The following IQSEC3 variants were observed in gnomAD, a reference collection of about 807,000 sequenced individuals.
The protein encoded by IQSEC3 is IQ motif and Sec7 domain ArfGEF 3.
Under a neutral mutation model 105.4 loss-of-function variants are expected in IQSEC3, and 50 were observed. The observed-to-expected ratio is 0.47, with a 90% CI of 0.38 to 0.60. The LOEUF is 0.60. IQSEC3 is among the 20% of genes least tolerant of loss of function. IQSEC3 has a pLI of 0.00. For missense variants in IQSEC3, 1,415 were observed against 1,630.0 expected, an observed-to-expected ratio of 0.87 and a Z score of 2.27; for synonymous variants, 708 against 746.0, an observed-to-expected ratio of 0.95 and a Z score of 0.83.
chr12:99,331 T>C (rs1194952933), intron 2 of IQSEC3, 117 bp downstream of exon 2: 9 of 939,736 alleles, frequency 9.6e-6, no homozygotes, highest in East Asian at 8.0e-5. Context: ...TGTGGGGTAA[T>C]TTGTTTGCTT....
intron 2 of IQSEC3, among the ~76,000 whole-genome samples, chr12:100,133 T>C (rs1262243310): frequency 6.6e-6 from 1 of 152,214 alleles, no homozygotes; most frequent in Non-Finnish European, 1.5e-5. Context: ...GCCCTGGGCC[T>C]CAGTTTCCTC....
chr12:127,670 C>G (rs1254455759), intron 3 of IQSEC3, among the ~76,000 whole-genome samples: 2 of 152,136 alleles, frequency 1.3e-5, no homozygotes, highest in Non-Finnish European at 2.9e-5. Flanking sequence ...AGGCCCTTCG[C>G]CCACTTTTTG....
intron 2 of IQSEC3, among the ~76,000 whole-genome samples, chr12:113,468 C>T (rs73601066): frequency 0.017 from 2,561 of 152,348 alleles, 78 homozygotes; most frequent in African/African-American, 0.058. Context: ...AAACCTGCTT[C>T]TTCCTTGTTC....
intron 1 of IQSEC3, among the ~76,000 whole-genome samples, chr12:91,976 C>T (rs905386872): frequency 2.7e-4 from 41 of 152,132 alleles, no homozygotes; most frequent in Admixed American, 2.6e-3. Flanking sequence ...GGTCCAGTCT[C>T]ATTCTGAGTG....
chr12:161,668 G>A (rs1271177472), intron 7 of IQSEC3, among the ~76,000 whole-genome samples: 5 of 152,180 alleles, frequency 3.3e-5, no homozygotes, highest in African/African-American at 4.8e-5. Context: ...GGAGGTGGGC[G>A]TGAAGACTCT....
At chr12:83,209 G>C (rs1433068594) in intron 1 of IQSEC3, among the ~76,000 whole-genome samples, 1 of 152,168 alleles carries the variant, frequency 6.6e-6, no homozygotes, top group Non-Finnish European at 1.5e-5. Context: ...ATTCTGTTTA[G>C]GTTCCTCAAG....
chr12:81,290 T>C (rs1863738485), intron 1 of IQSEC3, among the ~76,000 whole-genome samples: 1 of 152,182 alleles, frequency 6.6e-6, no homozygotes, highest in South Asian at 2.1e-4. Flanking sequence ...AGTGTTTGGC[T>C]TTTACCTTCA....
chr12:168,914 T>A (rs1938818076), intron 11 of IQSEC3, 99 bp from the exon 12 acceptor site: 7 of 994,582 alleles, frequency 7.0e-6, no homozygotes, highest in Non-Finnish European at 1.1e-5. Flanking sequence ...GGACCTCTCC[T>A]CCTCTTCCTC....
rs1555088330 is a variant in IQSEC3 at position 139,241 on chromosome 12, C to G, written c.1878C>G (p.Ile626Met). The G allele has an allele frequency of 6.2e-7, 1 of 1,608,092 alleles. No individual in the cohort carries two copies. ...CCAAGGACGCCCTGCAGGCCATGAT[C>G]CTGAGCCTGCCGCGCTACCACTGCG... The part of the protein sequence containing the change: ...SASKDALQAM[I>M]LSLPRYHCEN... Residue 626 changes from isoleucine to methionine, a missense_variant, in exon 4 of 14, where the codon ATC (isoleucine) becomes ATG (methionine). Coordinates refer to ENST00000538872, the MANE Select transcript of IQSEC3 (RefSeq NM_001170738.2).
In IQSEC3 at chr12:175,170, C is replaced by A. The variant is rs1939201608; in HGVS notation, c.*137C>A. The stretch of plus-strand genomic sequence containing the variant: ...ATCATTTTGGGAAGAGAATCCCAAT[C>A]CCTGGCACCTGGGTTTGCCTCATCC... On this transcript the variant is annotated 3_prime_UTR_variant, in exon 14 of 14. Transcript: ENST00000538872. 1 of 717,090 alleles carries A rather than the reference C, an allele frequency of 1.4e-6. No homozygotes were observed. Among genetic ancestry groups the A allele is most frequent in the Non-Finnish European group, 2.2e-6 (1 of 453,426 alleles). The allele number at this position is 717,090 out of a possible 1,614,324, so 44.4% of individuals were successfully genotyped here.
intron 3 of IQSEC3, among the ~76,000 whole-genome samples, chr12:131,389 CT>C (rs1555085082): frequency 6.6e-6 from 1 of 152,194 alleles, no homozygotes; most frequent in Non-Finnish European, 1.5e-5. Context: ...TCTCTGCTCT[CT>C]GACCTGGCCC....
At chr12:73,045 A>C (rs1863383042) in intron 1 of IQSEC3, among the ~76,000 whole-genome samples, 1 of 113,130 alleles carries the variant, frequency 8.8e-6, no homozygotes, top group Admixed American at 9.4e-5. Flanking sequence ...CACTCTGCCT[A>C]AAATATAAAT....
chr12:100,278 G>A lies in IQSEC3; in HGVS notation c.623+1064G>A, dbSNP rs114316481. Among the ~76,000 whole-genome samples the A allele has an allele frequency of 4.2e-3, 647 of 152,272 alleles. 7 individuals carry two copies. Among genetic ancestry groups the A allele is most frequent in the African/African-American group, 0.014 (588 of 41,528 alleles). On this transcript the variant is annotated intron_variant, in intron 2 of 13. Transcript: ENST00000538872. Reference sequence around the variant, plus strand: ...GAAGGATGAGAGGAGAGTAAGGGTCGGAGGACCCAGAGACTTGTCCACAGT... The same window carrying A: ...GAAGGATGAGAGGAGAGTAAGGGTCAGAGGACCCAGAGACTTGTCCACAGT...
At chr12:109,545 G>C (rs887240024) in intron 2 of IQSEC3, among the ~76,000 whole-genome samples, 2 of 152,022 alleles carry the variant, frequency 1.3e-5, no homozygotes, top group Non-Finnish European at 2.9e-5. Context: ...CAGCCATCTA[G>C]TCTTTGCCGT....
chr12:157,414 G>A, intron 6 of IQSEC3, 114 bp from the exon 7 acceptor site: 1 of 1,254,994 alleles, frequency 8.0e-7, no homozygotes, highest in Non-Finnish European at 1.1e-6. Context: ...TGGTCTCCCT[G>A]GACCTAAAGC....
chr12:113,275 A>G (rs1300900994), intron 2 of IQSEC3, among the ~76,000 whole-genome samples: 3 of 152,214 alleles, frequency 2.0e-5, no homozygotes, highest in African/African-American at 4.8e-5. Context: ...GATTCTCACC[A>G]CAAGGATCCT....
intron 2 of IQSEC3, among the ~76,000 whole-genome samples, chr12:118,672 G>A (rs1368105440): frequency 1.3e-5 from 2 of 152,210 alleles, no homozygotes; most frequent in Non-Finnish European, 2.9e-5. Context: ...GCTCTGGCAA[G>A]CCACCCCACT....
At chr12:102,687 G>T (rs1338963142) in intron 2 of IQSEC3, among the ~76,000 whole-genome samples, 1 of 152,148 alleles carries the variant, frequency 6.6e-6, no homozygotes, top group South Asian at 2.1e-4. Context: ...CTGGGGGCTG[G>T]TGTCAGGGGA....
rs1555087871 is a variant in IQSEC3 at position 138,936 on chromosome 12, G to A, written c.1573G>A (p.Gly525Ser). The A allele has an allele frequency of 1.3e-6, 2 of 1,590,210 alleles. No homozygotes were observed. The highest frequency in any genetic ancestry group is 1.7e-6 in the Non-Finnish European group (2 of 1,169,470). ...TVQAPAEPAA[G>S]KAEQGETSGR... ...CCAGGCCCCCGCAGAGCCCGCGGCG[G>A]GCAAGGCCGAGCAGGGCGAGACCTC... The change falls in exon 4 of 14, where the codon GGC becomes AGC. Residue 525 changes from glycine to serine, a missense_variant. Gly to Ser is a moderately conservative substitution (Grantham distance 56). Transcript: ENST00000538872. This position sits in a 1 kb window ranked among gnomAD's most constrained non-coding sequence, Gnocchi z 7.1.
Sources: allele counts gnomAD v4.1 joint callset (sites outside exome capture counted in the v4.1 genomes callset), GRCh38; gene constraint gnomAD v4.1.1; non-coding constraint Gnocchi (gnomAD v3.1); transcripts MANE v1.5; gene names NCBI Gene and HGNC (gene_info 2026-07-23, HGNC 2026-07-21).